GABRB3: variants seen among roughly 807,000 people sequenced by gnomAD.
GABRB3 encodes gamma-aminobutyric acid receptor subunit beta-3.
GABRB3 carries 14 observed loss-of-function variants against 52.1 expected under a neutral mutation model. That is an observed-to-expected ratio of 0.27 (90% CI 0.18 to 0.42). The LOEUF (loss-of-function observed/expected upper bound fraction) is 0.42, where lower values mean the gene tolerates loss of function less well. Ranked by LOEUF, GABRB3 falls within the 10% of genes least tolerant of loss-of-function variation. The pLI is 1.00. For synonymous variants in GABRB3, 260 were observed against 232.3 expected, an observed-to-expected ratio of 1.12 and a Z score of -1.08; for missense variants, 307 against 609.1, an observed-to-expected ratio of 0.50 and a Z score of 5.22.
chr15:26,639,579 C>T (rs1041361433), intron 3 of GABRB3, among the ~76,000 whole-genome samples: 9 of 152,108 alleles, frequency 5.9e-5, no homozygotes, highest in South Asian at 2.1e-4. Flanking sequence ...CTCAAGGGGT[C>T]CTGGAACCAA....
At chr15:26,759,316 G>A (rs986359470) in intron 3 of GABRB3, among the ~76,000 whole-genome samples, 3 of 152,048 alleles carry the variant, frequency 2.0e-5, no homozygotes, top group Non-Finnish European at 2.9e-5. Context: ...GTGCAGTGGC[G>A]CAATCTTGGC....
At chr15:26,624,411 G>A (rs1297685760) in intron 3 of GABRB3, 9 of 985,332 alleles carry the variant, frequency 9.1e-6, no homozygotes, top group East Asian at 2.3e-4. Flanking sequence ...GATGTCTAGC[G>A]CCCTTCTCAG....
chr15:26,580,636 C>T, intron 5 of GABRB3, 180 bp from the exon 6 acceptor site: 2 of 807,632 alleles, frequency 2.5e-6, no homozygotes, highest in East Asian at 2.7e-5. Flanking sequence ...CATGTTACTG[C>T]TGCCATTTTA....
chr15:26,615,425 G>A (rs1419451833), intron 4 of GABRB3: 1 of 986,300 alleles, frequency 1.0e-6, no homozygotes, highest in Admixed American at 6.1e-5. Flanking sequence ...GCTCAAGCTG[G>A]TAAGAAGAGC....
chr15:26,688,534 A>G (rs557749878), intron 3 of GABRB3, among the ~76,000 whole-genome samples: 52 of 152,348 alleles, frequency 3.4e-4, no homozygotes, highest in African/African-American at 1.1e-3. Context: ...GGACTCTTCA[A>G]ACATGCTCTG....
intron 3 of GABRB3, chr15:26,624,461 A>G (rs1286228347): frequency 5.1e-6 from 5 of 985,464 alleles, no homozygotes; most frequent in Non-Finnish European, 6.0e-6. Context: ...TGCCACAAGA[A>G]GGGAGAGAAC....
At chr15:26,561,613 T>C (rs1399939861) in intron 7 of GABRB3, among the ~76,000 whole-genome samples, 2 of 152,294 alleles carry the variant, frequency 1.3e-5, no homozygotes, top group East Asian at 3.9e-4. Flanking sequence ...GAATTTGAGG[T>C]GTCTGTGGCT....
At chr15:26,757,856 C>T (rs1325958931) in intron 3 of GABRB3, among the ~76,000 whole-genome samples, 1 of 152,170 alleles carries the variant, frequency 6.6e-6, no homozygotes, top group African/African-American at 2.4e-5. Flanking sequence ...TTTGCACTAA[C>T]CTGTTAGAGT....
intron 3 of GABRB3, among the ~76,000 whole-genome samples, chr15:26,730,513 C>A (rs972682271): frequency 6.6e-6 from 1 of 151,792 alleles, no homozygotes; most frequent in South Asian, 2.1e-4. Context: ...AATGCGGTCA[C>A]GTCCCATTGT....
intron 3 of GABRB3, among the ~76,000 whole-genome samples, chr15:26,626,339 A>C (rs1360424246): frequency 6.6e-6 from 1 of 152,078 alleles, no homozygotes; most frequent in Admixed American, 6.6e-5. Flanking sequence ...AACAATATCA[A>C]CATTAGGCCA....
intron 3 of GABRB3, among the ~76,000 whole-genome samples, chr15:26,655,668 G>A (rs1487474764): frequency 1.3e-5 from 2 of 152,010 alleles, no homozygotes; most frequent in East Asian, 3.9e-4. Context: ...CCTGAATCCA[G>A]GAGGTGGAGT....
chr15:26,770,086 C>A (rs1000140318), intron 3 of GABRB3, among the ~76,000 whole-genome samples: 1 of 152,180 alleles, frequency 6.6e-6, no homozygotes, highest in Non-Finnish European at 1.5e-5. Context: ...CTATTTGAGG[C>A]TCCTTTAGGA....
chr15:26,555,120 GT>G (rs1459117974), intron 8 of GABRB3, among the ~76,000 whole-genome samples: 35 of 152,148 alleles, frequency 2.3e-4, no homozygotes, highest in Non-Finnish European at 3.8e-4. Context: ...GGAGGCAGAG[GT>G]TGCAGTGAGC....
intron 3 of GABRB3, among the ~76,000 whole-genome samples, chr15:26,692,964 A>G (rs909106566): frequency 3.3e-5 from 5 of 152,242 alleles, no homozygotes; most frequent in Non-Finnish European, 7.3e-5. Flanking sequence ...TAAGAAAACT[A>G]TTGGTTACAC....
intron 3 of GABRB3, among the ~76,000 whole-genome samples, chr15:26,680,860 T>G (rs1888217501): frequency 6.6e-6 from 1 of 152,212 alleles, no homozygotes; most frequent in African/African-American, 2.4e-5. Context: ...GTTGTCAAAC[T>G]CAGGTCAAGG....
At chr15:26,745,806 T>G (rs1890322521) in intron 3 of GABRB3, among the ~76,000 whole-genome samples, 1 of 152,260 alleles carries the variant, frequency 6.6e-6, no homozygotes, top group South Asian at 2.1e-4. Flanking sequence ...TTTCTGTTGC[T>G]GAATAGAATT....
intron 4 of GABRB3, among the ~76,000 whole-genome samples, chr15:26,592,406 C>T (rs1038582118): frequency 6.6e-6 from 1 of 152,110 alleles, no homozygotes; most frequent in East Asian, 1.9e-4. Context: ...CATAAACATT[C>T]TGAATAGAAG....
intron 6 of GABRB3, among the ~76,000 whole-genome samples, chr15:26,568,859 C>T (rs56148251): frequency 0.23 from 35,580 of 151,814 alleles, 5,276 homozygotes; most frequent in East Asian, 0.71. Flanking sequence ...CTTGTTTCCC[C>T]GTTTGTTTCA....
At chr15:26,736,056 G>A (rs1175247084) in intron 3 of GABRB3, among the ~76,000 whole-genome samples, 1 of 152,068 alleles carries the variant, frequency 6.6e-6, no homozygotes, top group Non-Finnish European at 1.5e-5. Context: ...AAAGTAAGGT[G>A]ATGGCTGCTA....
Sources: gnomAD v4.1 joint callset for allele counts (sites outside exome capture counted in the v4.1 genomes callset) on GRCh38, gnomAD v4.1.1 for gene constraint, MANE v1.5 for transcripts, NCBI Gene and HGNC (gene_info 2026-07-23, HGNC 2026-07-21) for gene names.